Variants in CACNA1G observed in about 807,000 individuals in gnomAD.
CACNA1G encodes the protein voltage-dependent T-type calcium channel subunit alpha-1G.
In CACNA1G, 67 loss-of-function variants were observed where a neutral mutation model predicts 219.4. The ratio of observed to expected loss-of-function variants is 0.31; its 90% confidence interval spans 0.25 to 0.37. CACNA1G has a LOEUF of 0.37. Ranked by LOEUF, CACNA1G falls within the 10% of genes least tolerant of loss-of-function variation. The pLI, the probability that CACNA1G is intolerant of heterozygous loss-of-function variation, is 1.00. For missense variants in CACNA1G, 2,380 were observed against 3,231.4 expected, an observed-to-expected ratio of 0.74 and a Z score of 6.39; for synonymous variants, 1,296 against 1,345.3, an observed-to-expected ratio of 0.96 and a Z score of 0.80.
Position 50,618,238 on chromosome 17 carries a change from C to T in CACNA1G, c.5322C>T (p.His1774=). 1 of 1,613,832 alleles carries T rather than the reference C, an allele frequency of 6.2e-7. No homozygotes were observed. The highest frequency in any genetic ancestry group is 2.2e-5 in the East Asian group (1 of 44,858). ...LFGDLECDET[H]PCEGLGRHAT... ...CTCCCCCAGAGTGTGACGAGACACA[C>T]CCCTGTGAGGGCCTGGGCCGTCATG... Residue 1774 remains histidine, a synonymous_variant, in exon 32 of 38, where the codon CAC becomes CAT. Coordinates refer to ENST00000359106, the MANE Select transcript of CACNA1G (RefSeq NM_018896.5). The surrounding 1 kb of genome is among the most constrained non-coding windows in gnomAD (Gnocchi z 5.3).
At chr17:50,605,244 A>C (rs905155056) in intron 22 of CACNA1G, among the ~76,000 whole-genome samples, 2 of 152,092 alleles carry the variant, frequency 1.3e-5, no homozygotes, top group Non-Finnish European at 2.9e-5. Flanking sequence ...TCCGTTTTTC[A>C]CTAGTGGTCA....
chr17:50,619,213 A>T (rs897704101), intron 33 of CACNA1G, among the ~76,000 whole-genome samples: 3 of 152,152 alleles, frequency 2.0e-5, no homozygotes, highest in African/African-American at 7.2e-5. Context: ...ACCCCAGCAG[A>T]CGGGCCAGCT....
At position 50,596,072 on chromosome 17, in the gene CACNA1G, C is replaced by T. The variant is rs190530743; in HGVS notation, c.2980-490C>T. On this transcript the variant is annotated intron_variant, in intron 14 of 37. Transcript: ENST00000359106. This position sits in a 1 kb window ranked among gnomAD's most constrained non-coding sequence, Gnocchi z 4.8. ...CACCGAGGGACTGAAGTGGCGTCCT[C>T]GGGCTGAGCTGTTCTGTCTGGGGTC... is the stretch of plus-strand genomic sequence containing the variant. 2.3e-4 allele frequency among the ~76,000 whole-genome samples: 35 copies of T among 152,182 alleles called. No homozygotes were observed. The East Asian group carries it at 4.4e-3, about 19-fold the overall frequency.
intron 25 of CACNA1G, 149 bp downstream of exon 25, chr17:50,608,168 A>G (rs763772114): frequency 2.9e-6 from 2 of 688,366 alleles, no homozygotes; most frequent in Non-Finnish European, 4.9e-6. Flanking sequence ...CTTCTCCCCA[A>G]GAGCATGTCT....
rs545173523 is a variant in CACNA1G at position 50,603,525 on chromosome 17, C to T, written c.4169+326C>T. On this transcript the variant is annotated intron_variant, in intron 21 of 37. Transcript: ENST00000359106. The surrounding 1 kb of genome is among the most constrained non-coding windows in gnomAD (Gnocchi z 6.4). ...GCAGGACTCTCACAGTCTTCAGCTG[C>T]GGCTCTCCCTTGTGTGGCCTCTAGG... Among the ~76,000 whole-genome samples the T allele has an allele frequency of 3.3e-5, 5 of 152,140 alleles. No individual in the cohort carries two copies. Among genetic ancestry groups the T allele is most frequent in the East Asian group, 1.9e-4 (1 of 5,182 alleles).
chr17:50,592,666 C>T (rs914924992), intron 13 of CACNA1G, among the ~76,000 whole-genome samples: 1 of 152,230 alleles, frequency 6.6e-6, no homozygotes, highest in African/African-American at 2.4e-5. Context: ...TATTGATTTA[C>T]ATTGATCCTG....
At chr17:50,581,279 G>A (rs753283074) in intron 9 of CACNA1G, among the ~76,000 whole-genome samples, 24 of 152,002 alleles carry the variant, frequency 1.6e-4, no homozygotes, top group Non-Finnish European at 2.4e-4. Context: ...GGGCAGAGAC[G>A]GGGTGGGATG....
At chr17:50,587,508 C>T (rs367928066) in intron 9 of CACNA1G, among the ~76,000 whole-genome samples, 2 of 152,354 alleles carry the variant, frequency 1.3e-5, no homozygotes, top group African/African-American at 4.8e-5. Context: ...ATTCGCAGAT[C>T]GTTCCCAGCC....
In CACNA1G at chr17:50,600,854, G is replaced by A. The variant is rs1311468762; in HGVS notation, c.3791+28G>A. ...AAGTGACAGGGCAGGGGTCTGACCTGTGTCCCGACCTCTTCTTCTCACGGG... is the reference window on the plus strand; with the variant it reads ...AAGTGACAGGGCAGGGGTCTGACCTATGTCCCGACCTCTTCTTCTCACGGG... On this transcript the variant is annotated intron_variant, in intron 18 of 37. Transcript: ENST00000359106. This position sits in a 1 kb window ranked among gnomAD's most constrained non-coding sequence, Gnocchi z 4.1. 2 of 1,597,928 alleles carry A rather than the reference G, an allele frequency of 1.3e-6. No homozygotes were observed. The highest frequency in any genetic ancestry group is 2.2e-5 in the South Asian group (2 of 90,756).
Position 50,575,990 on chromosome 17 carries a change from C to A in CACNA1G, c.1588C>A (p.Arg530Ser), listed in dbSNP as rs776897967. The A allele has an allele frequency of 6.4e-7, 1 of 1,553,920 alleles. No individual in the cohort carries two copies. The highest frequency in any genetic ancestry group is 1.2e-5 in the South Asian group (1 of 84,296). The change falls in exon 8 of 38, where the codon CGC becomes AGC. Residue 530 changes from arginine to serine, a missense_variant. Arg to Ser is a moderately radical substitution (Grantham distance 110). Coordinates refer to ENST00000359106, the MANE Select transcript of CACNA1G (RefSeq NM_018896.5). ...CCAGGACAGGGATGCCAATGGGTCC[C>A]GCCGGCTCATGCTGCCACCACCCTC... ...EIQDRDANGSRRLMLPPPSTP... is the reference protein window; with the variant it reads ...EIQDRDANGSSRLMLPPPSTP...
intron 25 of CACNA1G, 60 bp from the exon 26 acceptor site, chr17:50,609,822 G>A (rs2048802517): frequency 2.6e-6 from 4 of 1,526,876 alleles, no homozygotes; most frequent in Middle Eastern, 1.7e-4. Context: ...CCGCCCCTGA[G>A]GGGCCCTGCC....
intron 22 of CACNA1G, among the ~76,000 whole-genome samples, chr17:50,605,418 C>T (rs1027052255): frequency 6.6e-6 from 1 of 152,190 alleles, no homozygotes; most frequent in African/African-American, 2.4e-5. Flanking sequence ...TACCCACTCC[C>T]CCACCCAGAG....
At chr17:50,616,196 C>A in intron 27 of CACNA1G, 79 bp from the exon 28 acceptor site, 2 of 835,412 alleles carry the variant, frequency 2.4e-6, no homozygotes, top group Non-Finnish European at 4.1e-6. Context: ...CAGACCTGGG[C>A]GGTATGATGG....
At chr17:50,607,300 T>C (rs2048154990) in intron 24 of CACNA1G, 1 of 406,146 alleles carries the variant, frequency 2.5e-6, no homozygotes, top group Admixed American at 3.5e-5. Flanking sequence ...GGCCAGGAGT[T>C]GGAGACCAGC....
Position 50,623,914 on chromosome 17 carries a change from C to T in CACNA1G, c.6068C>T (p.Pro2023Leu). Residue 2023 changes from proline (P) to leucine (L), a missense_variant, in exon 36 of 38, where the codon CCC becomes CTC. By Grantham distance (98) the Pro-to-Leu change is moderately conservative (BLOSUM62 -3). Around this residue, in one of 17 missense-constraint regions of CACNA1G, gnomAD observed 672 missense variants for 670.5 expected, o/e 1.00. Transcript: ENST00000359106. ...CCCCTGTTCCTTTTGCAGATGCAGC[C>T]CCACCCCACGGAGCTGCCAGGACCA... is the stretch of plus-strand genomic sequence containing the variant. ...LLSALESNMQ[P>L]HPTELPGPDL... 6.2e-7 allele frequency: 1 copy of T among 1,608,972 alleles called. No homozygotes were observed. Among genetic ancestry groups the T allele is most frequent in the Non-Finnish European group, 8.5e-7 (1 of 1,176,392 alleles).
At chr17:50,608,525 G>GAT (rs3063068) in intron 25 of CACNA1G, among the ~76,000 whole-genome samples, 5,977 of 141,622 alleles carry the variant, frequency 0.042, 159 homozygotes, top group African/African-American at 0.071. Flanking sequence ...TTTCTACCAT[G>GAT]ATATATATAT....
Position 50,626,887 on chromosome 17 carries a change from T to C in CACNA1G, c.*136T>C. On this transcript the variant is annotated 3_prime_UTR_variant, in exon 38 of 38. Transcript: ENST00000359106. The surrounding 1 kb of genome is among the most constrained non-coding windows in gnomAD (Gnocchi z 4.3). Reference sequence around the variant, plus strand: ...GCGCTCCTCCCTGCCTCAGTGGCTCTGGGTACCTGCAAGCAGAACTTCCAA... The same window carrying C: ...GCGCTCCTCCCTGCCTCAGTGGCTCCGGGTACCTGCAAGCAGAACTTCCAA... The C allele has an allele frequency of 1.8e-6, 2 of 1,099,832 alleles. No individual in the cohort carries two copies. Among genetic ancestry groups the C allele is most frequent in the Middle Eastern group, 5.4e-4 (2 of 3,710 alleles). The allele number at this position is 1,099,832 out of a possible 1,614,324, so 68.1% of individuals were successfully genotyped here. A position where few individuals can be genotyped will look rare whatever the true frequency, so the allele number is the denominator to read the frequency against.
chr17:50,584,826 C>T (rs2145242935), intron 9 of CACNA1G, among the ~76,000 whole-genome samples: 1 of 152,006 alleles, frequency 6.6e-6, no homozygotes, highest in South Asian at 2.1e-4. Flanking sequence ...GAGGCAGCTC[C>T]TGGGGGAGAG....
Position 50,608,028 on chromosome 17 carries a change from A to G in CACNA1G, c.4705+9A>G. ...GGAGAAAAAGAGAAGGAGTAAGGAG[A>G]AGCAGATGGCTGGTCGGTAGTCTTT... On this transcript the variant is annotated intron_variant, in intron 25 of 37. Coordinates refer to ENST00000359106, the MANE Select transcript of CACNA1G (RefSeq NM_018896.5). 1 of 1,597,952 alleles carries G rather than the reference A, an allele frequency of 6.3e-7. No homozygotes were observed. The highest frequency in any genetic ancestry group is 8.5e-7 in the Non-Finnish European group (1 of 1,172,022).
Sources: gnomAD v4.1 joint callset for allele counts (sites outside exome capture counted in the v4.1 genomes callset) on GRCh38, gnomAD v4.1.1 for gene constraint, gnomAD v4.1.1 regional missense constraint, Gnocchi (gnomAD v3.1) non-coding constraint, MANE v1.5 for transcripts, NCBI Gene and HGNC (gene_info 2026-07-23, HGNC 2026-07-21) for gene names.